Variants in ZNF468 observed in about 807,000 individuals in gnomAD.
ZNF468 encodes zinc finger protein 468.
In ZNF468, 8 loss-of-function variants were observed where a neutral mutation model predicts 7.2. The ratio of observed to expected loss-of-function variants is 1.11; its 90% CI spans 0.65 to 2.01. The LOEUF (loss-of-function observed/expected upper bound fraction) is 2.01, where lower values mean the gene tolerates loss of function less well. Among genes scored for constraint, ZNF468 ranks in the 30% most tolerant of loss-of-function variants. ZNF468 has a pLI of 0.00. For synonymous variants in ZNF468, 218 were observed against 214.4 expected, an observed-to-expected ratio of 1.02 and a Z score of -0.15; for missense variants, 608 against 626.5, an observed-to-expected ratio of 0.97 and a Z score of 0.31.
chr19:52,855,856 C>T (rs1266731992), intron 1 of ZNF468, among the ~76,000 whole-genome samples: 8 of 152,238 alleles, frequency 5.3e-5, no homozygotes, highest in Admixed American at 1.3e-4. Flanking sequence ...AGCCCTTCGT[C>T]GCAAAGATGC....
chr19:52,842,846 T>TAG (rs2063316362), intron 3 of ZNF468, among the ~76,000 whole-genome samples: 1 of 84,712 alleles, frequency 1.2e-5, no homozygotes, highest in African/African-American at 4.9e-5. Context: ...AAAAAAGACA[T>TAG]GGCATGGTGG....
Position 52,854,262 on chromosome 19 carries a change from G to C in ZNF468, c.11C>G (p.Pro4Arg), listed in dbSNP as rs2063417333. 1 of 1,613,828 alleles carries C rather than the reference G, an allele frequency of 6.2e-7. No homozygotes were observed. Among genetic ancestry groups the C allele is most frequent in the Non-Finnish European group, 8.5e-7 (1 of 1,179,836 alleles). The change falls in exon 2 of 4, where the codon CCT becomes CGT. Residue 4 changes from proline to arginine, a missense_variant. By Grantham distance (103) the Pro-to-Arg change is moderately radical (BLOSUM62 -2). Coordinates refer to ENST00000595646, the MANE Select transcript of ZNF468 (RefSeq NM_001008801.2). Reference sequence around the variant, plus strand: ...CCACCGAGGATATCATCTCACCTGAGGAAGAGCCATCCCTGACTCCTTTGC... The same window carrying C: ...CCACCGAGGATATCATCTCACCTGACGAAGAGCCATCCCTGACTCCTTTGC... MAL[P>R]QGLLTFRDVA...
intron 2 of ZNF468, among the ~76,000 whole-genome samples, chr19:52,850,516 TA>T (rs2063378304): frequency 2.0e-5 from 3 of 152,092 alleles, no homozygotes; most frequent in Admixed American, 2.0e-4. Context: ...AATATCAAAG[TA>T]AAATATTTAC....
At position 52,841,751 on chromosome 19, in the gene ZNF468, A is replaced by G. The variant is rs776119328; in HGVS notation, c.543T>C (p.Cys181=). Residue 181 remains cysteine (C), a synonymous_variant, in exon 4 of 4, where the codon TGT becomes TGC. Transcript: ENST00000595646. ...TAGAAATATGGGTTTTGGGCCTACAACAAATTCTTTGGGATGTTGAAACTG... is the reference window on the plus strand; with the variant it reads ...TAGAAATATGGGTTTTGGGCCTACAGCAAATTCTTTGGGATGTTGAAACTG... ...ASSVSTSQRI[C]CRPKTHISNK... 3.1e-6 allele frequency: 5 copies of G among 1,614,106 alleles called. No individual in the cohort carries two copies. In the Admixed American group the frequency reaches 8.3e-5, roughly 27 times the overall value.
At chr19:52,848,981 A>T in intron 3 of ZNF468, 106 bp downstream of exon 3, 3 of 1,500,758 alleles carry the variant, frequency 2.0e-6, no homozygotes, top group Non-Finnish European at 2.7e-6. Context: ...TTTCAAAATC[A>T]ATATGGCTTC....
At position 52,841,586 on chromosome 19, in the gene ZNF468, A is replaced by G. The variant is rs1392445047; in HGVS notation, c.708T>C (p.Ile236=). Residue 236 remains isoleucine (I), a synonymous_variant, in exon 4 of 4, where the codon ATT becomes ATC. Transcript: ENST00000595646. ...CSSLLKKHQI[I]HLEEKQCKCD... ...ATTTACATTGTTTCTCTTCTAAGTG[A>G]ATTATCTGATGTTTTTTTAAGAGTG... The G allele has an allele frequency of 3.1e-6, 5 of 1,613,896 alleles. No homozygotes were observed. In the African/African-American group the frequency reaches 4.0e-5, roughly 13 times the overall value.
rs764589242 is a variant in ZNF468 at position 52,840,770 on chromosome 19, T to A, written c.1524A>T (p.Ser508=). Residue 508 remains serine (S), a synonymous_variant, in exon 4 of 4, where the codon TCA becomes TCT. Coordinates refer to ENST00000595646, the MANE Select transcript of ZNF468 (RefSeq NM_001008801.2). Reference sequence around the variant, plus strand: ...GAAGCCTATGATGGTATACAAGGGATGACATCTGACTGAAGGTCTTGCCAC... The same window carrying A: ...GAAGCCTATGATGGTATACAAGGGAAGACATCTGACTGAAGGTCTTGCCAC... The part of the protein sequence containing the change: ...NECGKTFSQM[S]SLVYHHRLHS... The A allele has an allele frequency of 9.3e-6, 15 of 1,613,686 alleles. No homozygotes were observed. The highest frequency in any genetic ancestry group is 8.5e-6 in the Non-Finnish European group (10 of 1,179,756).
rs778632944 is a variant in ZNF468, at chr19:52,849,153, C to T, written c.76G>A (p.Asp26Asn). The T allele has an allele frequency of 6.8e-6, 11 of 1,613,972 alleles. No individual in the cohort carries two copies. Among genetic ancestry groups the T allele is most frequent in the Non-Finnish European group, 9.3e-6 (11 of 1,179,920 alleles). Reference protein sequence around the residue: ...EFSQEEWKCLDPAQRTLYRDV... With the variant: ...EFSQEEWKCLNPAQRTLYRDV... The stretch of plus-strand genomic sequence containing the variant: ...CTGTATAAAGTCCTCTGAGCAGGGT[C>T]CAGGCATTTCCACTCCTCCTGAGAG... The change falls in exon 3 of 4, where the codon GAC becomes AAC. Residue 26 changes from aspartate (D) to asparagine (N), a missense_variant. Physicochemically the swap from Asp to Asn is conservative, Grantham distance 23. Coordinates refer to ENST00000595646, the MANE Select transcript of ZNF468 (RefSeq NM_001008801.2).
chr19:52,855,154 G>C (rs896526654), intron 1 of ZNF468, among the ~76,000 whole-genome samples: 4 of 151,354 alleles, frequency 2.6e-5, no homozygotes, highest in African/African-American at 9.7e-5. Context: ...CTCACAGCCC[G>C]GAGGACAGAG....
intron 1 of ZNF468, among the ~76,000 whole-genome samples, chr19:52,854,767 G>GT (rs1202428464): frequency 6.6e-6 from 1 of 152,048 alleles, no homozygotes; most frequent in Non-Finnish European, 1.5e-5. Flanking sequence ...GCTCATGCCT[G>GT]TAATACTAGC....
chr19:52,848,918 A>C (rs563530528), intron 3 of ZNF468, among the ~76,000 whole-genome samples, 169 bp downstream of exon 3: 6 of 152,288 alleles, frequency 3.9e-5, no homozygotes, highest in South Asian at 4.2e-4. Flanking sequence ...AATGCAGAAC[A>C]TCTAAACAAA....
At chr19:52,851,776 A>C (rs1303831436) in intron 2 of ZNF468, among the ~76,000 whole-genome samples, 1 of 152,066 alleles carries the variant, frequency 6.6e-6, no homozygotes, top group Non-Finnish European at 1.5e-5. Flanking sequence ...AGAATTACTC[A>C]AAGTACAAAA....
intron 3 of ZNF468, among the ~76,000 whole-genome samples, chr19:52,843,120 C>CAAAAAAAAA (rs11356842): frequency 1.5e-5 from 1 of 68,686 alleles, no homozygotes; most frequent in East Asian, 5.1e-4. Flanking sequence ...GACTCTGTCT[C>CAAAAAAAAA]AAAAAAAAAA....
rs373781547 is a variant in ZNF468 at position 52,841,826 on chromosome 19, A to G, written c.468T>C (p.Ser156=). The G allele has an allele frequency of 4.3e-6, 7 of 1,613,984 alleles. No individual in the cohort carries two copies. In the African/African-American group the frequency reaches 8.0e-5, roughly 18 times the overall value. ...CAACTTGATTACCAATTTTCCCTTC[A>G]GACTGAAATATGTGCGGTTCAGGCA... ...LHLPEPHIFQ[S]EGKIGNQVEK... is the part of the protein sequence containing the mutation. The change falls in exon 4 of 4, where the codon TCT becomes TCC. Residue 156 remains serine, a synonymous_variant. Transcript: ENST00000595646.
intron 3 of ZNF468, among the ~76,000 whole-genome samples, chr19:52,847,149 C>CT (rs1297500725): frequency 6.6e-6 from 1 of 152,136 alleles, no homozygotes; most frequent in Non-Finnish European, 1.5e-5. Flanking sequence ...AAAATTGTTT[C>CT]GCTTTGAGAT....
chr19:52,850,730 T>C (rs1600528522), intron 2 of ZNF468, among the ~76,000 whole-genome samples: 1 of 151,388 alleles, frequency 6.6e-6, no homozygotes. Context: ...AAACCCCATC[T>C]CTACTAAAAA....
Position 52,841,214 on chromosome 19 carries a change from A to G in ZNF468, c.1080T>C (p.Cys360=). 1.2e-6 allele frequency: 2 copies of G among 1,613,612 alleles called. No homozygotes were observed. Among genetic ancestry groups the G allele is most frequent in the Non-Finnish European group, 1.7e-6 (2 of 1,179,650 alleles). The change falls in exon 4 of 4, where the codon TGT becomes TGC. Residue 360 remains cysteine (C), a synonymous_variant. Transcript: ENST00000595646. The part of the protein sequence containing the change: ...TGEKPYTCNE[C]GKVFNRLSTL... ...TTGATAGTCGATTAAAAACTTTGCC[A>G]CATTCATTACATGTGTAAGGTTTCT...
chr19:52,856,570 C>T (rs148416982), intron 1 of ZNF468, among the ~76,000 whole-genome samples: 3,874 of 137,710 alleles, frequency 0.028, 63 homozygotes, highest in African/African-American at 0.08. Context: ...GTGTCCTCCC[C>T]GCTGTGCTTC....
chr19:52,841,841 C>A lies in ZNF468; in HGVS notation c.453G>T (p.Pro151=), dbSNP rs556758852. 33 of 1,614,098 alleles carry A rather than the reference C, an allele frequency of 2.0e-5. No individual in the cohort carries two copies. The highest frequency in any genetic ancestry group is 1.6e-4 in the East Asian group (7 of 44,860). ...GSSFHLHLPE[P]HIFQSEGKIG... The stretch of plus-strand genomic sequence containing the variant: ...TTTTCCCTTCAGACTGAAATATGTG[C>A]GGTTCAGGCAGATGCAAATGAAAGC... The change falls in exon 4 of 4, where the codon CCG becomes CCT. Residue 151 remains proline, a synonymous_variant. Transcript: ENST00000595646.
Sources: allele counts gnomAD v4.1 joint callset (sites outside exome capture counted in the v4.1 genomes callset), GRCh38; gene constraint gnomAD v4.1.1; transcripts MANE v1.5; gene names NCBI Gene and HGNC (gene_info 2026-07-23, HGNC 2026-07-21).